The following ACOT1 variants were observed in gnomAD, a reference collection of about 807,000 sequenced individuals.
ACOT1 encodes the protein acyl-coenzyme A thioesterase 1.
In ACOT1, 8 loss-of-function variants were observed where a neutral mutation model predicts 15.7. The ratio of observed to expected loss-of-function variants is 0.51; its 90% CI spans 0.30 to 0.92. The LOEUF (loss-of-function observed/expected upper bound fraction) is 0.92. Ranked by LOEUF, ACOT1 falls within the 40% of genes least tolerant of loss-of-function variation. The probability of loss-of-function intolerance (pLI) is 0.06; values close to 1 mark genes in which losing one functional copy is unlikely to be tolerated. For synonymous variants in ACOT1, 67 were observed against 241.2 expected, an observed-to-expected ratio of 0.28 and a Z score of 6.69; for missense variants, 151 against 539.4, an observed-to-expected ratio of 0.28 and a Z score of 7.13.
At chr14:73,519,398 A>G in the ACOT1 span, among the ~76,000 whole-genome samples, 3 of 152,138 alleles carry the variant, frequency 2.0e-5, no homozygotes, top group African/African-American at 7.2e-5. Flanking sequence ...GAAATGTCAT[A>G]GCTAGTCACC....
the ACOT1 span, among the ~76,000 whole-genome samples, chr14:73,504,047 A>G: frequency 2.6e-5 from 4 of 151,044 alleles, no homozygotes; most frequent in South Asian, 8.4e-4. Flanking sequence ...ATTCTGATTG[A>G]GCTGGCTTAA....
chr14:73,492,005 A>T, the ACOT1 span: 1 of 1,613,836 alleles, frequency 6.2e-7, no homozygotes, highest in Non-Finnish European at 8.5e-7. The surrounding 1 kb of genome is among the most constrained non-coding windows in gnomAD (Gnocchi z 4.9). Context: ...CGTTTACCTC[A>T]CGCCCCCTAA....
At chr14:73,505,319 T>C in the ACOT1 span, among the ~76,000 whole-genome samples, 1 of 152,200 alleles carries the variant, frequency 6.6e-6, no homozygotes, top group African/African-American at 2.4e-5. Flanking sequence ...CTTGAATCAT[T>C]TGTGTATATT....
the ACOT1 span, among the ~76,000 whole-genome samples, chr14:73,496,835 T>C: frequency 2.0e-5 from 3 of 152,212 alleles, no homozygotes; most frequent in African/African-American, 7.2e-5. Flanking sequence ...GGTATAATGC[T>C]TAGCTTACAG....
the ACOT1 span, among the ~76,000 whole-genome samples, chr14:73,508,613 G>A: frequency 6.6e-6 from 1 of 151,914 alleles, no homozygotes; most frequent in African/African-American, 2.4e-5. Flanking sequence ...GCCAGGCGTG[G>A]TGGCATGCGC....
At chr14:73,495,453 A>G in the ACOT1 span, 1 of 1,326,106 alleles carries the variant, frequency 7.5e-7, no homozygotes, top group East Asian at 2.3e-5. Context: ...CAAATTATCA[A>G]AAAACATTAA....
the ACOT1 span, among the ~76,000 whole-genome samples, chr14:73,524,071 A>T: frequency 1.1e-4 from 16 of 151,788 alleles, no homozygotes; most frequent in Non-Finnish European, 1.5e-5. Context: ...TGGGTGGGTC[A>T]CCTGAGGTCT....
At chr14:73,524,310 A>AAAAATATATATATATAT in the ACOT1 span, among the ~76,000 whole-genome samples, 7 of 54,776 alleles carry the variant, frequency 1.3e-4, 1 homozygote, top group African/African-American at 5.3e-4. Context: ...AAAAAAAAAA[A>AAAAATATATATATATAT]ATATATATAT....
the ACOT1 span, chr14:73,508,146 C>G: frequency 1.2e-6 from 2 of 1,614,084 alleles, no homozygotes; most frequent in Non-Finnish European, 8.5e-7. Context: ...TCTTCTCACT[C>G]AGATAGCTCA....
the ACOT1 span, chr14:73,513,888 G>C: frequency 1.3e-6 from 1 of 743,230 alleles, no homozygotes. Flanking sequence ...TGTGTGAAAG[G>C]CTCTTGTCTA....
the ACOT1 span, among the ~76,000 whole-genome samples, chr14:73,526,582 A>G: frequency 1.3e-5 from 2 of 152,074 alleles, no homozygotes; most frequent in African/African-American, 4.8e-5. Flanking sequence ...AGTCCAGAAG[A>G]CTTTGAGTAG....
At chr14:73,528,631 A>G in the ACOT1 span, among the ~76,000 whole-genome samples, 3 of 152,318 alleles carry the variant, frequency 2.0e-5, no homozygotes, top group African/African-American at 4.8e-5. Context: ...CAAATAATTT[A>G]AAATCTGTAG....
chr14:73,512,990 T>C, the ACOT1 span, among the ~76,000 whole-genome samples: 3 of 152,194 alleles, frequency 2.0e-5, no homozygotes, highest in Non-Finnish European at 4.4e-5. Flanking sequence ...GCACTCAGAC[T>C]TCTACTCTCC....
rs1388758063 is a variant in ACOT1, at chr14:73,537,160, G to A, written c.-262G>A. 3 of 361,126 alleles carry A rather than the reference G, an allele frequency of 8.3e-6. 1 individual carries two copies. The highest frequency in any genetic ancestry group is 1.4e-5 in the Non-Finnish European group (3 of 216,094). The allele number at this position is 361,126 out of a possible 1,614,324, so 22.4% of individuals were successfully genotyped here. On this transcript the variant is annotated 5_prime_UTR_variant, in exon 1 of 3. Transcript: ENST00000311148. The stretch of plus-strand genomic sequence containing the variant: ...CCCAGCCCATTCCGCGAGCCAGCAA[G>A]CTTCTGAAAAGCAAACCTAGGAAGT...
chr14:73,526,413 G>A, the ACOT1 span, among the ~76,000 whole-genome samples: 3 of 152,190 alleles, frequency 2.0e-5, no homozygotes, highest in East Asian at 1.9e-4. Flanking sequence ...ACTGGTCATG[G>A]AGGCAGTGGA....
At chr14:73,495,853 C>A in the ACOT1 span, among the ~76,000 whole-genome samples, 1 of 152,154 alleles carries the variant, frequency 6.6e-6, no homozygotes, top group Non-Finnish European at 1.5e-5. Context: ...CCAGGCCAGG[C>A]ATGATGGCTC....
chr14:73,522,721 G>A, the ACOT1 span: 162 of 1,614,174 alleles, frequency 1.0e-4, 2 homozygotes, highest in South Asian at 7.9e-4. Context: ...GCTTCTTTTC[G>A]GGATTGGCAG....
At chr14:73,503,128 C>A in the ACOT1 span, 24 of 827,642 alleles carry the variant, frequency 2.9e-5, no homozygotes, top group Admixed American at 4.5e-4. Flanking sequence ...GAGGATTGTC[C>A]TGAGTGTTTT....
the ACOT1 span, chr14:73,514,226 G>T: frequency 1.9e-6 from 3 of 1,613,890 alleles, no homozygotes; most frequent in African/African-American, 2.7e-5. Context: ...CCTTGCACAG[G>T]TCTGTAAGCT....
Sources: gnomAD v4.1 joint callset for allele counts (sites outside exome capture counted in the v4.1 genomes callset) on GRCh38, gnomAD v4.1.1 for gene constraint, Gnocchi (gnomAD v3.1) non-coding constraint, MANE v1.5 for transcripts, NCBI Gene and HGNC (gene_info 2026-07-23, HGNC 2026-07-21) for gene names.